Variants in BCL2L1 observed in about 807,000 individuals in gnomAD.
BCL2L1 encodes BCL2 like 1, also known as bcl-2-like protein 1.
BCL2L1 carries 1 observed loss-of-function variant against 18.7 expected under a neutral mutation model. That is an observed-to-expected ratio of 0.05 (90% CI 0.02 to 0.25). BCL2L1 has a LOEUF of 0.25. Among genes scored for constraint, BCL2L1 ranks in the 10% least tolerant of loss-of-function variants. The pLI, the probability that BCL2L1 is intolerant of heterozygous loss-of-function variation, is 1.00. For synonymous variants in BCL2L1, 103 were observed against 122.7 expected, an observed-to-expected ratio of 0.84 and a Z score of 1.06; for missense variants, 207 against 304.9, an observed-to-expected ratio of 0.68 and a Z score of 2.39.
In BCL2L1 at chr20:31,664,801, T is replaced by A. The variant is rs1431661789; in HGVS notation, c.*1148A>T. 6 of 222,282 alleles carry A rather than the reference T, an allele frequency of 2.7e-5. No homozygotes were observed. Among genetic ancestry groups the A allele is most frequent in the Non-Finnish European group, 4.5e-5 (5 of 110,750 alleles). The allele number at this position is 222,282 out of a possible 1,614,324, so 13.8% of individuals were successfully genotyped here. A position where few individuals can be genotyped will look rare whatever the true frequency, so the allele number is the denominator to read the frequency against. ...CCGGGGTGGCTGGGACCCCTGGGGATGAGACAGGCCAAGGGTGGAGCAGAA... is the reference window on the plus strand; with the variant it reads ...CCGGGGTGGCTGGGACCCCTGGGGAAGAGACAGGCCAAGGGTGGAGCAGAA... On this transcript the variant is annotated 3_prime_UTR_variant, in exon 3 of 3. Coordinates refer to ENST00000307677, the MANE Select transcript of BCL2L1 (RefSeq NM_138578.3).
chr20:31,699,766 G>A (rs2061246062), intron 2 of BCL2L1, among the ~76,000 whole-genome samples: 1 of 152,126 alleles, frequency 6.6e-6, no homozygotes. Flanking sequence ...TTTCTTTACT[G>A]GAAAAGAAAG....
At chr20:31,681,546 T>C (rs984906929) in intron 2 of BCL2L1, among the ~76,000 whole-genome samples, 6 of 151,932 alleles carry the variant, frequency 3.9e-5, no homozygotes, top group African/African-American at 9.7e-5. Flanking sequence ...GAGGCTGAGG[T>C]GGGAGGACTG....
chr20:31,723,184 A>G (rs909824880), upstream of BCL2L1: 2 of 684,880 alleles, frequency 2.9e-6, no homozygotes, highest in Non-Finnish European at 3.6e-6. Context: ...TGTGATGTTG[A>G]AGGCCGGAGA....
chr20:31,707,710 G>A (rs1290812129), intron 2 of BCL2L1, among the ~76,000 whole-genome samples: 2 of 149,816 alleles, frequency 1.3e-5, no homozygotes, highest in African/African-American at 2.5e-5. Flanking sequence ...CCTGGGAGGC[G>A]AAGGTTGTGG....
intron 2 of BCL2L1, among the ~76,000 whole-genome samples, chr20:31,710,424 C>A (rs1028791568): frequency 7.2e-5 from 11 of 152,150 alleles, no homozygotes; most frequent in African/African-American, 2.4e-4. Context: ...ATTTACAGAC[C>A]GGGAAACTGA....
upstream of BCL2L1, chr20:31,723,459 C>T: frequency 1.0e-6 from 1 of 985,388 alleles, no homozygotes; most frequent in Non-Finnish European, 1.2e-6. Flanking sequence ...GCTCCGGGGC[C>T]GGGGGCTGCA....
intron 2 of BCL2L1, among the ~76,000 whole-genome samples, chr20:31,681,877 C>T (rs1030957612): frequency 3.9e-5 from 6 of 152,206 alleles, no homozygotes; most frequent in Non-Finnish European, 8.8e-5. Context: ...CACCAGGCCT[C>T]AAAGTGTGGA....
intron 2 of BCL2L1, among the ~76,000 whole-genome samples, chr20:31,677,592 T>C (rs555346939): frequency 6.6e-6 from 1 of 152,370 alleles, no homozygotes; most frequent in Admixed American, 6.5e-5. Context: ...GTCTGGTTTA[T>C]TGTTCTTACT....
At chr20:31,701,345 C>T (rs1454591770) in intron 2 of BCL2L1, among the ~76,000 whole-genome samples, 1 of 152,192 alleles carries the variant, frequency 6.6e-6, no homozygotes, top group Non-Finnish European at 1.5e-5. Flanking sequence ...AGCCACCACG[C>T]CCGGCCTGTA....
At chr20:31,691,028 T>C (rs1369038037) in intron 2 of BCL2L1, among the ~76,000 whole-genome samples, 1 of 149,654 alleles carries the variant, frequency 6.7e-6, no homozygotes, top group Non-Finnish European at 1.5e-5. Context: ...GACATATGCC[T>C]GTAATCCCAG....
Position 31,666,033 on chromosome 20 carries a change from G to A in BCL2L1, c.618C>T (p.Gly206=). The A allele has an allele frequency of 1.2e-6, 2 of 1,614,168 alleles. No homozygotes were observed. Among genetic ancestry groups the A allele is most frequent in the Non-Finnish European group, 1.7e-6 (2 of 1,180,024 alleles). The change falls in exon 3 of 3, where the codon GGC becomes GGT. Residue 206 remains glycine (G), a synonymous_variant. Transcript: ENST00000307677. ...GGAACCAGCGGTTGAAGCGTTCCTGGCCCTTTCGGCTCTCGGCTGCTGCAT... is the reference window on the plus strand; with the variant it reads ...GGAACCAGCGGTTGAAGCGTTCCTGACCCTTTCGGCTCTCGGCTGCTGCAT... The part of the protein sequence containing the change: ...GNNAAAESRK[G]QERFNRWFLT...
intron 2 of BCL2L1, among the ~76,000 whole-genome samples, chr20:31,693,163 TAA>T (rs764386536): frequency 8.8e-4 from 102 of 116,190 alleles, no homozygotes; most frequent in African/African-American, 1.6e-3. Flanking sequence ...TAGTAAAACT[TAA>T]AAAAAAAAAA....
chr20:31,721,598 T>A, intron 2 of BCL2L1, 57 bp downstream of exon 2: 1 of 1,516,318 alleles, frequency 6.6e-7, no homozygotes, highest in African/African-American at 1.4e-5. Flanking sequence ...GAAGGGCTGT[T>A]GGGGATCTCT....
upstream of BCL2L1, chr20:31,723,416 G>A (rs2061668248): frequency 1.0e-6 from 1 of 985,506 alleles, no homozygotes; most frequent in African/African-American, 1.7e-5. Context: ...CCTGGGGACA[G>A]GCCCAAAGTG....
In BCL2L1 at chr20:31,664,556, G is replaced by A. The variant is rs1309042682; in HGVS notation, c.*1393C>T. ...AAGTGTGGGGTGGGGGTTGGGGGAG[G>A]GGCAGATGCCCCTCAGGAGCCAGGA... On this transcript the variant is annotated 3_prime_UTR_variant, in exon 3 of 3. Coordinates refer to ENST00000307677, the MANE Select transcript of BCL2L1 (RefSeq NM_138578.3). The A allele has an allele frequency of 5.1e-6, 1 of 197,700 alleles. No homozygotes were observed. The highest frequency in any genetic ancestry group is 2.3e-5 in the African/African-American group (1 of 43,244). 12.2% of individuals were successfully genotyped at this position (197,700 alleles called of 1,614,324 possible).
chr20:31,697,892 G>GTTTTTTTTTTTTTTTTTTTTTTTT lies in BCL2L1; in HGVS notation c.564+23762_564+23763insAAAAAAAAAAAAAAAAAAAAAAAA, dbSNP rs199575410. ...AGAATCCTCAGCATGTGCTGTTGCT[G>GTTTTTTTTTTTTTTTTTTTTTTTT]TTTTTTTTTTTTTGAGACGGAGTCT... On this transcript the variant is annotated intron_variant, in intron 2 of 2. Coordinates refer to ENST00000307677, the MANE Select transcript of BCL2L1 (RefSeq NM_138578.3). Among the ~76,000 whole-genome samples the GTTTTTTTTTTTTTTTTTTTTTTTT allele has an allele frequency of 2.3e-3, 301 of 129,594 alleles. 16 individuals carry two copies. Among genetic ancestry groups the GTTTTTTTTTTTTTTTTTTTTTTTT allele is most frequent in the African/African-American group, 9.4e-3 (286 of 30,468 alleles). 85.0% of individuals were successfully genotyped at this position (129,594 alleles called of 152,430 possible).
At chr20:31,699,237 C>A (rs2061239444) in intron 2 of BCL2L1, among the ~76,000 whole-genome samples, 1 of 152,180 alleles carries the variant, frequency 6.6e-6, no homozygotes. Flanking sequence ...CAGTCATGAC[C>A]CTGCAGACAG....
chr20:31,676,480 G>A (rs1350896856), intron 2 of BCL2L1, among the ~76,000 whole-genome samples: 2 of 152,026 alleles, frequency 1.3e-5, no homozygotes, highest in African/African-American at 4.8e-5. Context: ...GCTCATATAG[G>A]CTCATCCCCT....
At chr20:31,701,637 G>T (rs2061278769) in intron 2 of BCL2L1, among the ~76,000 whole-genome samples, 1 of 152,146 alleles carries the variant, frequency 6.6e-6, no homozygotes, top group African/African-American at 2.4e-5. Flanking sequence ...CTTTTAAGTG[G>T]TACAGTGGTA....
Sources: gnomAD v4.1 joint callset for allele counts (sites outside exome capture counted in the v4.1 genomes callset) on GRCh38, gnomAD v4.1.1 for gene constraint, MANE v1.5 for transcripts, NCBI Gene and HGNC (gene_info 2026-07-23, HGNC 2026-07-21) for gene names.